The following VRTN variants were observed in gnomAD, a reference collection of about 807,000 sequenced individuals.
VRTN encodes the protein vertebrae development associated.
VRTN carries 5 observed loss-of-function variants against 18.2 expected under a neutral mutation model. The ratio of observed to expected loss-of-function variants is 0.27; its 90% CI spans 0.14 to 0.58. The LOEUF (loss-of-function observed/expected upper bound fraction) is 0.58, where lower values mean the gene tolerates loss of function less well. VRTN is among the 20% of genes least tolerant of loss of function. VRTN has a pLI of 0.91. For synonymous variants in VRTN, 381 were observed against 393.7 expected (o/e 0.97, Z 0.38); for missense variants, 741 against 939.4 (o/e 0.79, Z 2.76).
In VRTN at chr14:74,358,129, G is replaced by T. The variant is rs779382753; in HGVS notation, c.1346G>T (p.Ser449Ile). Residue 449 changes from serine (S) to isoleucine (I), a missense_variant, in exon 2 of 2, where the codon AGC becomes ATC. Ser to Ile is a moderately radical substitution (Grantham distance 142). This residue lies in a region of VRTN where 494 missense variants were observed against 546.5 expected (regional missense o/e 0.90). Transcript: ENST00000256362. This position sits in a 1 kb window ranked among gnomAD's most constrained non-coding sequence, Gnocchi z 5.4. ...WRRKALRRNP[S>I]FKPAPALSAA... ...CGAAAGGCCCTCCGGAGGAACCCCA[G>T]CTTCAAGCCGGCACCAGCCCTCTCT... 8 of 1,613,962 alleles carry T rather than the reference G, an allele frequency of 5.0e-6. No homozygotes were observed. In the East Asian group the frequency reaches 1.6e-4, roughly 31 times the overall value.
rs756678651 is a variant in VRTN, at chr14:74,357,612, G to A, written c.829G>A (p.Glu277Lys). 5.0e-6 allele frequency: 8 copies of A among 1,614,038 alleles called. No homozygotes were observed. The South Asian group carries it at 8.8e-5, about 18-fold the overall frequency. ...CAAGACCCTGGAGCTGCTCAACCGT[G>A]AACCTGGCCTCAGCTACTCTCACCT... ...PAKTLELLNR[E>K]PGLSYSHLCE... Residue 277 changes from glutamate to lysine, a missense_variant, in exon 2 of 2, where the codon GAA becomes AAA. Coordinates refer to ENST00000256362, the MANE Select transcript of VRTN (RefSeq NM_018228.3). The surrounding 1 kb of genome is among the most constrained non-coding windows in gnomAD (Gnocchi z 7.8).
intron 1 of VRTN, among the ~76,000 whole-genome samples, chr14:74,336,785 T>C (rs1469372465): frequency 2.0e-5 from 3 of 152,020 alleles, no homozygotes; most frequent in African/African-American, 4.8e-5. Flanking sequence ...AAAAAAAAGT[T>C]TCCTCTTGGT....
intron 1 of VRTN, among the ~76,000 whole-genome samples, chr14:74,354,326 T>C (rs2085708450): frequency 2.6e-5 from 4 of 152,164 alleles, no homozygotes; most frequent in Admixed American, 6.6e-5. Flanking sequence ...TTACAAGTAG[T>C]AGCTTCTCAA....
rs545740279 is a variant in VRTN at position 74,319,486 on chromosome 14, G to C, written c.-164+16310G>C. 8.5e-5 allele frequency among the ~76,000 whole-genome samples: 13 copies of C among 152,312 alleles called. No individual in the cohort carries two copies. In the South Asian group the frequency reaches 2.5e-3, roughly 29 times the overall value. On this transcript the variant is annotated intron_variant, in intron 1 of 2. Transcript: ENST00000557177. ...TACCAACTGAGCTATCAAAGACCCCGCTTCAAGTGCAACTTTAAGGCTTTG... is the reference window on the plus strand; with the variant it reads ...TACCAACTGAGCTATCAAAGACCCCCCTTCAAGTGCAACTTTAAGGCTTTG...
intron 2 of VRTN, among the ~76,000 whole-genome samples, chr14:74,340,110 A>ATTTT (rs71115984): frequency 8.8e-6 from 1 of 113,222 alleles, no homozygotes; most frequent in African/African-American, 3.5e-5. Context: ...TAATGTTTGT[A>ATTTT]TTTTTTTTTT....
In VRTN at chr14:74,357,326, T is replaced by C; in HGVS notation, c.543T>C (p.Ser181=). The change falls in exon 2 of 2, where the codon TCT becomes TCC. Residue 181 remains serine, a synonymous_variant. Coordinates refer to ENST00000256362, the MANE Select transcript of VRTN (RefSeq NM_018228.3). This position sits in a 1 kb window ranked among gnomAD's most constrained non-coding sequence, Gnocchi z 7.8. ...TGTGGCACTTGTATGCTCTCGCCTC[T>C]GTCCTCCAGCGGAACATCTACTCCA... ...SNVWHLYALA[S]VLQRNIYSIY... The C allele has an allele frequency of 6.2e-7, 1 of 1,614,078 alleles. No homozygotes were observed. Among genetic ancestry groups the C allele is most frequent in the Non-Finnish European group, 8.5e-7 (1 of 1,179,964 alleles).
intron 1 of VRTN, among the ~76,000 whole-genome samples, chr14:74,303,802 T>C (rs2085204795): frequency 6.6e-6 from 1 of 151,632 alleles, no homozygotes; most frequent in African/African-American, 2.4e-5. Context: ...TTTATGAAAG[T>C]TGCAGTCTAG....
At position 74,353,728 on chromosome 14, in the gene VRTN, CTT is replaced by C. The variant is rs371798899; in HGVS notation, c.-1-3044_-1-3043del. ...TGACATTTCCAGAGCAAAAAAACTA[CTT>C]TTTTTTTTTTGAGATGGAGTCTCAC... On this transcript the variant is annotated intron_variant, in intron 1 of 1. Coordinates refer to ENST00000256362, the MANE Select transcript of VRTN (RefSeq NM_018228.3). 1.2e-3 allele frequency among the ~76,000 whole-genome samples: 177 copies of C among 147,068 alleles called. 1 individual carries two copies. Among genetic ancestry groups the C allele is most frequent in the African/African-American group, 4.2e-3 (170 of 40,412 alleles).
chr14:74,335,563 A>G (rs1283182986), intron 1 of VRTN, among the ~76,000 whole-genome samples: 2 of 152,086 alleles, frequency 1.3e-5, no homozygotes, highest in Non-Finnish European at 2.9e-5. Context: ...CCTGTAATGA[A>G]CCTATATTAT....
At chr14:74,315,762 C>T (rs1023693284) in intron 1 of VRTN, among the ~76,000 whole-genome samples, 10 of 152,160 alleles carry the variant, frequency 6.6e-5, no homozygotes, top group Admixed American at 1.3e-4. Flanking sequence ...CAATGCTTAT[C>T]ATGCTCAATG....
At chr14:74,333,847 AAT>A (rs2085545626) in intron 1 of VRTN, among the ~76,000 whole-genome samples, 1 of 147,004 alleles carries the variant, frequency 6.8e-6, no homozygotes, top group African/African-American at 2.7e-5. Flanking sequence ...CTCAAAAAAA[AAT>A]AAATAAAAAT....
chr14:74,309,309 T>C (rs2085373813), intron 1 of VRTN, among the ~76,000 whole-genome samples: 1 of 152,216 alleles, frequency 6.6e-6, no homozygotes, highest in Non-Finnish European at 1.5e-5. Context: ...TTCACACTAC[T>C]GTGTCCCCAT....
rs2085747013 is a variant in VRTN at position 74,358,104 on chromosome 14, C to T, written c.1321C>T (p.Arg441Ter). ...ISRSTYYNWR[R>*]KALRRNPSFK... is the part of the protein sequence containing the mutation. ...ACGGTCCACTTATTATAATTGGCGG[C>T]GAAAGGCCCTCCGGAGGAACCCCAG... The change falls in exon 2 of 2, where the codon CGA (arginine) becomes TGA (stop). Residue 441 changes from arginine to a stop codon, truncating the protein, a stop_gained. Coordinates refer to ENST00000256362, the MANE Select transcript of VRTN (RefSeq NM_018228.3). LOFTEE classifies it low-confidence loss of function (END_TRUNC). The surrounding 1 kb of genome is among the most constrained non-coding windows in gnomAD (Gnocchi z 5.4). 9 of 1,614,030 alleles carry T rather than the reference C, an allele frequency of 5.6e-6. No individual in the cohort carries two copies. Among genetic ancestry groups the T allele is most frequent in the South Asian group, 1.1e-5 (1 of 91,086 alleles).
chr14:74,331,544 T>TTTATATA (rs1287566275), intron 1 of VRTN, among the ~76,000 whole-genome samples: 5 of 43,448 alleles, frequency 1.2e-4, no homozygotes, highest in African/African-American at 3.3e-4. Context: ...AAAAAAAATT[T>TTTATATA]TATATATATA....
chr14:74,337,595 T>C lies in VRTN; in HGVS notation c.-163-128T>C, dbSNP rs375138509. The stretch of plus-strand genomic sequence containing the variant: ...AGAGGGCTGAAGAAATGCAACAAAC[T>C]CGGAGGGGAAGGACCACAAGCCCTT... On this transcript the variant is annotated intron_variant, in intron 1 of 2. Coordinates refer to the VRTN transcript ENST00000557177. 3.9e-5 allele frequency: 6 copies of C among 152,224 alleles called. No individual in the cohort carries two copies. In the East Asian group the frequency reaches 1.2e-3, roughly 29 times the overall value. 9.4% of individuals were successfully genotyped at this position (152,224 alleles called of 1,614,324 possible).
intron 1 of VRTN, among the ~76,000 whole-genome samples, chr14:74,328,413 C>A (rs1223979396): frequency 2.0e-5 from 3 of 152,028 alleles, no homozygotes; most frequent in Non-Finnish European, 4.4e-5. Context: ...CTTCAATTAC[C>A]CCAAAATAAA....
chr14:74,357,102 C>T lies in VRTN; in HGVS notation c.319C>T (p.Arg107Cys). The change falls in exon 2 of 2, where the codon CGC becomes TGC. Residue 107 changes from arginine to cysteine, a missense_variant. Physicochemically the swap from Arg to Cys is radical, Grantham distance 180 (BLOSUM62 -3). Coordinates refer to ENST00000256362, the MANE Select transcript of VRTN (RefSeq NM_018228.3). This position sits in a 1 kb window ranked among gnomAD's most constrained non-coding sequence, Gnocchi z 7.8. ...DAGLSLELRA[R>C]TVVEMLLHRH... ...AGGCCTCAGCCTGGAGCTGCGGGCC[C>T]GCACCGTGGTAGAGATGCTGCTGCA... is the stretch of plus-strand genomic sequence containing the variant. 1.2e-6 allele frequency: 2 copies of T among 1,603,622 alleles called. No individual in the cohort carries two copies. Among genetic ancestry groups the T allele is most frequent in the Non-Finnish European group, 8.5e-7 (1 of 1,177,158 alleles).
At chr14:74,347,063 A>T (rs1454958095), upstream of VRTN, among the ~76,000 whole-genome samples, 2 of 152,212 alleles carry the variant, frequency 1.3e-5, no homozygotes, top group Non-Finnish European at 2.9e-5. Flanking sequence ...TTTAAACATA[A>T]TTTCAAATTA....
upstream of VRTN, among the ~76,000 whole-genome samples, chr14:74,347,312 C>A (rs1237876856): frequency 1.3e-5 from 2 of 152,216 alleles, no homozygotes; most frequent in African/African-American, 4.8e-5. Flanking sequence ...CAGCCTCAGG[C>A]CACTGCCATT....
Sources: allele counts gnomAD v4.1 joint callset (sites outside exome capture counted in the v4.1 genomes callset), GRCh38; gene constraint gnomAD v4.1.1; regional missense constraint gnomAD v4.1.1; non-coding constraint Gnocchi (gnomAD v3.1); transcripts MANE v1.5; gene names NCBI Gene and HGNC (gene_info 2026-07-23, HGNC 2026-07-21).